SMTNL2: variants seen among roughly 807,000 people sequenced by gnomAD.
The protein encoded by SMTNL2 is smoothelin-like protein 2.
In SMTNL2, 43 loss-of-function variants were observed where a neutral mutation model predicts 44.1. That is an observed-to-expected ratio of 0.98 (90% CI 0.76 to 1.26). The LOEUF is 1.26. SMTNL2 is among the 50% of genes most tolerant of loss of function. SMTNL2 has a pLI of 0.00. For synonymous variants in SMTNL2, 317 were observed against 287.6 expected (o/e 1.10, Z -1.03); for missense variants, 646 against 670.2 (o/e 0.96, Z 0.40).
In SMTNL2 at chr17:4,593,057, A is replaced by G; in HGVS notation, c.616A>G (p.Arg206Gly). The change falls in exon 3 of 8, where the codon AGG becomes GGG. Residue 206 changes from arginine to glycine, a missense_variant. Coordinates refer to ENST00000389313, the MANE Select transcript of SMTNL2 (RefSeq NM_001114974.2). ...CACGGCCATCACCCGAGTCTCTGAC[A>G]GGTTCTCTGGGGAGACCTCAGCTGC... ...PVTAITRVSD[R>G]FSGETSAAAL... 3 of 1,614,054 alleles carry G rather than the reference A, an allele frequency of 1.9e-6. No individual in the cohort carries two copies. The highest frequency in any genetic ancestry group is 2.5e-6 in the Non-Finnish European group (3 of 1,179,980).
In SMTNL2 at chr17:4,602,132, T is replaced by A. The variant is rs534716540; in HGVS notation, c.1259+4809T>A. ...ACTTACCGGTTGAGCATCCCAAATT[T>A]AAAAAATCCAAAGGCTCAAAAATCT... is the stretch of plus-strand genomic sequence containing the variant. On this transcript the variant is annotated intron_variant, in intron 7 of 7. Coordinates refer to ENST00000389313, the MANE Select transcript of SMTNL2 (RefSeq NM_001114974.2). Among the ~76,000 whole-genome samples, 130 of 152,150 alleles carry A rather than the reference T, an allele frequency of 8.5e-4. 3 individuals carry two copies. In the South Asian group the frequency reaches 0.013, roughly 15 times the overall value.
At position 4,592,931 on chromosome 17, in the gene SMTNL2, C is replaced by T. The variant is rs1459130248; in HGVS notation, c.490C>T (p.Pro164Ser). 6.2e-7 allele frequency: 1 copy of T among 1,610,460 alleles called. No individual in the cohort carries two copies. ...CCCATGCTGGTCACATGTTCCAGGT[C>T]CAGGCGATGGACCCCCTGAGATTGC... Reference protein sequence around the residue: ...MENGHQPGAGPGDGPPEIAQN... With the variant: ...MENGHQPGAGSGDGPPEIAQN... Residue 164 changes from proline to serine, a missense_variant and splice_region_variant, in exon 3 of 8, where the codon CCA becomes TCA. Physicochemically the swap from Pro to Ser is moderately conservative, Grantham distance 74 (BLOSUM62 -1). Coordinates refer to ENST00000389313, the MANE Select transcript of SMTNL2 (RefSeq NM_001114974.2). The surrounding 1 kb of genome is among the most constrained non-coding windows in gnomAD (Gnocchi z 4.5).
chr17:4,599,535 G>A (rs1347041552), intron 7 of SMTNL2, among the ~76,000 whole-genome samples: 2 of 152,202 alleles, frequency 1.3e-5, no homozygotes, highest in African/African-American at 4.8e-5. Context: ...CCACCCCAGG[G>A]TGAGGCGACA....
In SMTNL2 at chr17:4,585,076, G is replaced by A. The variant is rs1597406859; in HGVS notation, c.399+72G>A. ...GAACCGGGTGCCGCCCCTTCGCCCCGACTGCCTGCCTCTGCTCGCGTCTGC... is the reference window on the plus strand; with the variant it reads ...GAACCGGGTGCCGCCCCTTCGCCCCAACTGCCTGCCTCTGCTCGCGTCTGC... On this transcript the variant is annotated intron_variant, in intron 1 of 7. Transcript: ENST00000389313. The A allele has an allele frequency of 4.0e-6, 5 of 1,264,668 alleles. No individual in the cohort carries two copies. In the East Asian group the frequency reaches 1.7e-4, roughly 42 times the overall value. The allele number at this position is 1,264,668 out of a possible 1,614,324, so 78.3% of individuals were successfully genotyped here.
Position 4,584,932 on chromosome 17 carries a change from C to G in SMTNL2, c.327C>G (p.Pro109=). 7.6e-7 allele frequency: 1 copy of G among 1,323,678 alleles called. No individual in the cohort carries two copies. The allele number at this position is 1,323,678 out of a possible 1,614,324, so 82.0% of individuals were successfully genotyped here. The part of the protein sequence containing the change: ...TPSPPPAPGV[P]DRAPRLGSAR... ...GCCCCCCGCCCGCGCCCGGGGTTCC[C>G]GACCGCGCGCCCCGCCTGGGCAGCG... is the stretch of plus-strand genomic sequence containing the variant. Residue 109 remains proline, a synonymous_variant, in exon 1 of 8, where the codon CCC becomes CCG. Transcript: ENST00000389313.
rs572867478 is a variant in SMTNL2 at position 4,590,445 on chromosome 17, A to G, written c.400-1916A>G. 8.4e-4 allele frequency among the ~76,000 whole-genome samples: 128 copies of G among 152,148 alleles called. 2 individuals are homozygous for G. Among genetic ancestry groups the G allele is most frequent in the African/African-American group, 2.9e-3 (122 of 41,482 alleles). ...GCTCTTCCTCTGCTGGGCTTCCAGG[A>G]GCCCAGTGCATGCCCCTGACTCCTG... On this transcript the variant is annotated intron_variant, in intron 1 of 7. Coordinates refer to ENST00000389313, the MANE Select transcript of SMTNL2 (RefSeq NM_001114974.2).
At chr17:4,590,009 C>G (rs1909508339) in intron 1 of SMTNL2, among the ~76,000 whole-genome samples, 1 of 116,528 alleles carries the variant, frequency 8.6e-6, no homozygotes, top group Non-Finnish European at 1.6e-5. Flanking sequence ...CTCTGTTGCT[C>G]AGGCTGGAGT....
chr17:4,606,827 T>G (rs938920519), intron 7 of SMTNL2, among the ~76,000 whole-genome samples: 1 of 152,008 alleles, frequency 6.6e-6, no homozygotes, highest in Non-Finnish European at 1.5e-5. Context: ...GGAGAATCAC[T>G]CGAACCCGGG....
chr17:4,602,213 T>C (rs537326157), intron 7 of SMTNL2, among the ~76,000 whole-genome samples: 81 of 152,296 alleles, frequency 5.3e-4, no homozygotes, highest in African/African-American at 1.9e-3. Flanking sequence ...TGGCGCATTT[T>C]GGATTCGGTA....
chr17:4,594,147 A>C (rs759875165), intron 4 of SMTNL2, among the ~76,000 whole-genome samples: 25 of 152,106 alleles, frequency 1.6e-4, no homozygotes, highest in Non-Finnish European at 3.1e-4. Context: ...CCTTCAAGTC[A>C]GTCAAAAGAT....
rs1052710386 is a variant in SMTNL2, at chr17:4,607,473, C to T, written c.1372C>T (p.Arg458Cys). The T allele has an allele frequency of 5.6e-6, 9 of 1,614,018 alleles. No individual in the cohort carries two copies. Among genetic ancestry groups the T allele is most frequent in the South Asian group, 2.2e-5 (2 of 91,086 alleles). ...CGTCCAGTCGCTGTACAACCACCTG[C>T]GTCGCTTCGAGTAAAGCCCCTGAGC... ...TYVQSLYNHL[R>C]RFE The change falls in exon 8 of 8, where the codon CGT (arginine) becomes TGT (cysteine). Residue 458 changes from arginine to cysteine, a missense_variant. By Grantham distance (180) the Arg-to-Cys change is radical. Transcript: ENST00000389313. This position sits in a 1 kb window ranked among gnomAD's most constrained non-coding sequence, Gnocchi z 4.7.
chr17:4,584,538 C>G lies in SMTNL2; in HGVS notation c.-68C>G, dbSNP rs1176473096. On this transcript the variant is annotated 5_prime_UTR_variant, in exon 1 of 8. Coordinates refer to ENST00000389313, the MANE Select transcript of SMTNL2 (RefSeq NM_001114974.2). ...CCAGCCACGGACGGCCAGTCGCGGC[C>G]CGGAGCTGCGGAGCTCGGATCTTCT... is the stretch of plus-strand genomic sequence containing the variant. 8.3e-7 allele frequency: 1 copy of G among 1,211,132 alleles called. No individual in the cohort carries two copies. The highest frequency in any genetic ancestry group is 1.0e-6 in the Non-Finnish European group (1 of 974,474). The allele number at this position is 1,211,132 out of a possible 1,614,324, so 75.0% of individuals were successfully genotyped here. A position where few individuals can be genotyped will look rare whatever the true frequency, so the allele number is the denominator to read the frequency against.
Position 4,592,452 on chromosome 17 carries a change from G to C in SMTNL2, c.487+4G>C, listed in dbSNP as rs766774437. The C allele has an allele frequency of 3.7e-6, 6 of 1,611,888 alleles. No homozygotes were observed. Among genetic ancestry groups the C allele is most frequent in the Non-Finnish European group, 8.5e-7 (1 of 1,179,330 alleles). On this transcript the variant is annotated splice_donor_region_variant and intron_variant, in intron 2 of 7. Transcript: ENST00000389313. This position sits in a 1 kb window ranked among gnomAD's most constrained non-coding sequence, Gnocchi z 4.5. Reference sequence around the variant, plus strand: ...AATGGGCACCAGCCGGGGGCAGGTAGGGCTGACGGCAGAGGAGGGGTGGCT... The same window carrying C: ...AATGGGCACCAGCCGGGGGCAGGTACGGCTGACGGCAGAGGAGGGGTGGCT...
intron 6 of SMTNL2, 39 bp downstream of exon 6, chr17:4,597,016 G>A: frequency 1.4e-6 from 2 of 1,478,472 alleles, no homozygotes; most frequent in East Asian, 5.0e-5. Context: ...GGACGCCCCA[G>A]CTAAAAGCTT....
In SMTNL2 at chr17:4,607,567, C is replaced by T; in HGVS notation, c.*80C>T. 2 of 1,565,482 alleles carry T rather than the reference C, an allele frequency of 1.3e-6. No individual in the cohort carries two copies. The highest frequency in any genetic ancestry group is 8.7e-7 in the Non-Finnish European group (1 of 1,153,100). On this transcript the variant is annotated 3_prime_UTR_variant, in exon 8 of 8. Transcript: ENST00000389313. The surrounding 1 kb of genome is among the most constrained non-coding windows in gnomAD (Gnocchi z 4.7). ...CTTGCGATTCCCCAGCCAGGATGCC[C>T]CCAGGAGCCTTGCCGTTTGGTGTGA...
At chr17:4,588,730 C>T (rs1909444490) in intron 1 of SMTNL2, among the ~76,000 whole-genome samples, 1 of 152,262 alleles carries the variant, frequency 6.6e-6, no homozygotes, top group Admixed American at 6.5e-5. Flanking sequence ...GGGGCTCATA[C>T]TGACCCAGGT....
chr17:4,599,459 C>CCCAGCACCCACCCCAGCGGCAAGGTCACT (rs1567636901), intron 7 of SMTNL2, among the ~76,000 whole-genome samples: 11 of 152,104 alleles, frequency 7.2e-5, no homozygotes, highest in African/African-American at 2.7e-4. Context: ...GGGTGGATAC[C>CCCAGCACCCACCCCAGCGGCAAGGTCACT]CCAGCACCCA....
Position 4,592,916 on chromosome 17 carries a change from T to C in SMTNL2, c.488-13T>C. ...ACAGCTGACCACCCACCCATGCTGG[T>C]CACATGTTCCAGGTCCAGGCGATGG... On this transcript the variant is annotated splice_polypyrimidine_tract_variant and intron_variant, in intron 2 of 7. Transcript: ENST00000389313. The surrounding 1 kb of genome is among the most constrained non-coding windows in gnomAD (Gnocchi z 4.5). 6.2e-7 allele frequency: 1 copy of C among 1,604,494 alleles called. No individual in the cohort carries two copies. Among genetic ancestry groups the C allele is most frequent in the Non-Finnish European group, 8.5e-7 (1 of 1,173,284 alleles).
intron 1 of SMTNL2, among the ~76,000 whole-genome samples, chr17:4,585,503 G>A (rs927632744): frequency 6.6e-6 from 1 of 152,224 alleles, no homozygotes; most frequent in South Asian, 2.1e-4. Flanking sequence ...GGGTCGAGGG[G>A]GACGCGATCA....
Sources: gnomAD v4.1 joint callset for allele counts (sites outside exome capture counted in the v4.1 genomes callset) on GRCh38, gnomAD v4.1.1 for gene constraint, Gnocchi (gnomAD v3.1) non-coding constraint, MANE v1.5 for transcripts, NCBI Gene and HGNC (gene_info 2026-07-23, HGNC 2026-07-21) for gene names.